SMG9: variants seen among roughly 807,000 people sequenced by gnomAD.
The protein encoded by SMG9 is nonsense-mediated mRNA decay factor SMG9.
Under a neutral mutation model 64.0 loss-of-function variants are expected in SMG9, and 55 were observed. That is an observed-to-expected ratio of 0.86 (90% CI 0.69 to 1.08). SMG9 has a LOEUF of 1.08. Ranked by LOEUF, SMG9 falls within the 50% of genes least tolerant of loss-of-function variation. The pLI, the probability that SMG9 is intolerant of heterozygous loss-of-function variation, is 0.00. For missense variants in SMG9, 554 were observed against 681.3 expected, an observed-to-expected ratio of 0.81 and a Z score of 2.08; for synonymous variants, 244 against 254.8, an observed-to-expected ratio of 0.96 and a Z score of 0.41.
At chr19:43,745,325 C>T (rs573560883) in intron 5 of SMG9, among the ~76,000 whole-genome samples, 2 of 152,148 alleles carry the variant, frequency 1.3e-5, no homozygotes, top group Non-Finnish European at 2.9e-5. Flanking sequence ...GGTGTGCAAA[C>T]AGGAGCCACC....
At chr19:43,751,662 G>A (rs1298915787) in intron 1 of SMG9, among the ~76,000 whole-genome samples, 1 of 152,240 alleles carries the variant, frequency 6.6e-6, no homozygotes, top group African/African-American at 2.4e-5. Flanking sequence ...GCAGCTTCCA[G>A]AAACTTCCCT....
In SMG9 at chr19:43,740,245, G is replaced by A. The variant is rs375130713; in HGVS notation, c.702-27C>T. The A allele has an allele frequency of 1.4e-4, 219 of 1,517,042 alleles. 2 individuals are homozygous for A. In the African/African-American group the frequency reaches 2.6e-3, roughly 18 times the overall value. 94.0% of individuals were successfully genotyped at this position (1,517,042 alleles called of 1,614,324 possible). On this transcript the variant is annotated intron_variant, in intron 6 of 13. Coordinates refer to ENST00000270066, the MANE Select transcript of SMG9 (RefSeq NM_019108.4). ...TGTGGAGAGGAGCAGGCAGGGGTGT[G>A]TGAGAGCTCTGGTTCTCAGCCTTGG...
Position 43,731,320 on chromosome 19 carries a change from A to G in SMG9, c.*276T>C, listed in dbSNP as rs1375179954. 1.6e-6 allele frequency: 2 copies of G among 1,238,852 alleles called. No homozygotes were observed. The highest frequency in any genetic ancestry group is 1.0e-6 in the Non-Finnish European group (1 of 985,504). The allele number at this position is 1,238,852 out of a possible 1,614,324, so 76.7% of individuals were successfully genotyped here. On this transcript the variant is annotated 3_prime_UTR_variant, in exon 14 of 14. Transcript: ENST00000270066. The stretch of plus-strand genomic sequence containing the variant: ...AGCCCGGGCTTCCTGGTGACCATTC[A>G]GACTCCTCCCACTGCTTGTCCCTGT...
chr19:43,744,936 G>A, intron 5 of SMG9, 52 bp from the exon 6 acceptor site: 1 of 1,402,052 alleles, frequency 7.1e-7, no homozygotes, highest in Non-Finnish European at 1.0e-6. Context: ...TGCTGGAGCT[G>A]GAATGAGGGG....
intron 9 of SMG9, among the ~76,000 whole-genome samples, chr19:43,735,618 A>C (rs1247475786): frequency 6.7e-6 from 1 of 150,228 alleles, no homozygotes; most frequent in Non-Finnish European, 1.5e-5. Context: ...CTGTCTCAAA[A>C]AAAAAAAAAA....
intron 7 of SMG9, among the ~76,000 whole-genome samples, chr19:43,739,192 GGAA>G (rs779912235): frequency 5.9e-5 from 9 of 152,244 alleles, no homozygotes; most frequent in Non-Finnish European, 1.2e-4. Flanking sequence ...GGAGTCTTGA[GGAA>G]GAAGAAGGCG....
chr19:43,732,938 G>C lies in SMG9; in HGVS notation c.1404C>G (p.Ser468=). 6.2e-7 allele frequency: 1 copy of C among 1,613,968 alleles called. No homozygotes were observed. Among genetic ancestry groups the C allele is most frequent in the Non-Finnish European group, 8.5e-7 (1 of 1,179,978 alleles). ...PGYRGHPSFQ[S]LVSKLRSQVM... is the part of the protein sequence containing the mutation. ...CTTGGCTCCGGAGCTTGCTCACCAA[G>C]GACTGGAAACTGGGGTGGCCACGAT... The change falls in exon 13 of 14, where the codon TCC becomes TCG. Residue 468 remains serine (S), a synonymous_variant. Coordinates refer to ENST00000270066, the MANE Select transcript of SMG9 (RefSeq NM_019108.4).
At chr19:43,737,550 T>C (rs891255535) in intron 9 of SMG9, 47 bp downstream of exon 9, 8 of 1,546,810 alleles carry the variant, frequency 5.2e-6, no homozygotes, top group Non-Finnish European at 7.1e-6. Context: ...GGCCTTTGTC[T>C]CCTGCCTCAT....
Position 43,748,179 on chromosome 19 carries a change from T to TA in SMG9, c.151-128dup, listed in dbSNP as rs1296939361. The TA allele has an allele frequency of 7.2e-5, 80 of 1,107,442 alleles. No homozygotes were observed. The East Asian group carries it at 2.1e-3, about 29-fold the overall frequency. 68.6% of individuals were successfully genotyped at this position (1,107,442 alleles called of 1,614,324 possible). ...TGATCCTACCAACAGCCCTGTGAGA[T>TA]AGATACTATTATTACCCCCACTTTA... is the stretch of plus-strand genomic sequence containing the variant. On this transcript the variant is annotated intron_variant, in intron 2 of 13. Coordinates refer to ENST00000270066, the MANE Select transcript of SMG9 (RefSeq NM_019108.4).
intron 8 of SMG9, chr19:43,737,884 C>G (rs536942779): frequency 1.5e-6 from 1 of 650,716 alleles, no homozygotes; most frequent in South Asian, 1.9e-5. Flanking sequence ...CCATTTTACA[C>G]AGGCAGATGC....
At position 43,734,407 on chromosome 19, in the gene SMG9, C is replaced by A; in HGVS notation, c.1084G>T (p.Glu362Ter). 6.4e-7 allele frequency: 1 copy of A among 1,555,890 alleles called. No individual in the cohort carries two copies. Among genetic ancestry groups the A allele is most frequent in the Non-Finnish European group, 8.7e-7 (1 of 1,149,014 alleles). Residue 362 changes from glutamate to a stop codon, truncating the protein, a stop_gained, in exon 10 of 14, where the codon GAG (glutamate) becomes TAG (stop). Coordinates refer to ENST00000270066, the MANE Select transcript of SMG9 (RefSeq NM_019108.4). LOFTEE classifies it high-confidence loss of function. ...SSSSGSDEGT[E>*]YYPHLVFLQN... ...CTCTCACCTAGGTGGGGGTAGTACTCGGTGCCTTCATCGGAGCCCGATGAG... is the reference window on the plus strand; with the variant it reads ...CTCTCACCTAGGTGGGGGTAGTACTAGGTGCCTTCATCGGAGCCCGATGAG...
chr19:43,751,338 T>A (rs751560845), intron 1 of SMG9, among the ~76,000 whole-genome samples: 1 of 152,022 alleles, frequency 6.6e-6, no homozygotes, highest in Admixed American at 6.6e-5. Flanking sequence ...GGTTTCACCA[T>A]GTTGGCCAGG....
chr19:43,752,766 C>T (rs1234714202), intron 1 of SMG9, among the ~76,000 whole-genome samples: 1 of 151,714 alleles, frequency 6.6e-6, no homozygotes, highest in Admixed American at 6.6e-5. Context: ...AGTAGCTGGG[C>T]GTGGTGACAT....
intron 10 of SMG9, chr19:43,734,008 G>T: frequency 1.8e-6 from 1 of 551,130 alleles, no homozygotes; most frequent in Non-Finnish European, 3.2e-6. Flanking sequence ...GCGGAGAAAG[G>T]ATGAAACAGG....
chr19:43,732,140 G>A (rs1369838688), intron 13 of SMG9: 1 of 162,592 alleles, frequency 6.2e-6, no homozygotes, highest in Non-Finnish European at 1.3e-5. Flanking sequence ...TACAAGCCCT[G>A]AGGGGCTTCC....
chr19:43,746,036 G>C (rs908122991), intron 5 of SMG9, among the ~76,000 whole-genome samples: 13 of 151,698 alleles, frequency 8.6e-5, no homozygotes, highest in Admixed American at 5.3e-4. Context: ...ATCTGCGCGT[G>C]ATGTCGCACA....
chr19:43,749,138 G>A (rs576748990), intron 2 of SMG9, among the ~76,000 whole-genome samples: 7 of 152,284 alleles, frequency 4.6e-5, no homozygotes, highest in African/African-American at 1.4e-4. Flanking sequence ...GGAGCACTTC[G>A]GATATTCAGT....
rs950959722 is a variant in SMG9 at position 43,733,424 on chromosome 19, G to T, written c.1239C>A (p.Val413=). Residue 413 remains valine (V), a synonymous_variant, in exon 12 of 14, where the codon GTC becomes GTA. Coordinates refer to ENST00000270066, the MANE Select transcript of SMG9 (RefSeq NM_019108.4). ...GGAAGTCAGGTGGAAGCCCCGGGAAGACATTGCATTGTAACATGGACAGAG... is the reference window on the plus strand; with the variant it reads ...GGAAGTCAGGTGGAAGCCCCGGGAATACATTGCATTGTAACATGGACAGAG... The part of the protein sequence containing the change: ...KGTLSMLQCN[V]FPGLPPDFLD... The T allele has an allele frequency of 1.2e-6, 2 of 1,614,096 alleles. No homozygotes were observed. Among genetic ancestry groups the T allele is most frequent in the Admixed American group, 3.3e-5 (2 of 60,028 alleles).
intron 1 of SMG9, among the ~76,000 whole-genome samples, chr19:43,751,422 C>A (rs1434055095): frequency 6.6e-6 from 1 of 152,250 alleles, no homozygotes; most frequent in Non-Finnish European, 1.5e-5. Flanking sequence ...TAGGCGTGAG[C>A]CACCATGCCC....
Sources: allele counts gnomAD v4.1 joint callset (sites outside exome capture counted in the v4.1 genomes callset), GRCh38; gene constraint gnomAD v4.1.1; transcripts MANE v1.5; gene names NCBI Gene and HGNC (gene_info 2026-07-23, HGNC 2026-07-21).